RERE: variants seen among roughly 807,000 people sequenced by gnomAD.
RERE encodes arginine-glutamic acid dipeptide repeats.
A neutral mutation model predicts 146.1 loss-of-function variants in RERE; 40 were observed. The ratio of observed to expected loss-of-function variants is 0.27; its 90% CI spans 0.21 to 0.36. RERE has a LOEUF of 0.36. Ranked by LOEUF, RERE falls within the 10% of genes least tolerant of loss-of-function variation. RERE has a pLI of 1.00. For synonymous variants in RERE, 1,003 were observed against 866.0 expected (o/e 1.16, Z -2.78); for missense variants, 1,933 against 2,138.7 (o/e 0.90, Z 1.90).
chr1:8,420,558 A>G (rs1009690098), intron 12 of RERE, among the ~76,000 whole-genome samples: 7 of 152,202 alleles, frequency 4.6e-5, no homozygotes, highest in African/African-American at 1.4e-4. Context: ...CCAGCTCATT[A>G]TAATACTTAC....
rs567556868 is a variant in RERE, at chr1:8,564,832, ATGTG to A, written c.523-7313_523-7310del. On this transcript the variant is annotated intron_variant, in intron 4 of 22. Transcript: ENST00000400908. ...TGTATGTATGTGTGTGTATATGTGT[ATGTG>A]TGTGTGTGTGTGTGTGTGTGTGTGT... 2.9e-3 allele frequency among the ~76,000 whole-genome samples: 398 copies of A among 139,076 alleles called. 4 individuals are homozygous for A. Among genetic ancestry groups the A allele is most frequent in the Middle Eastern group, 0.022 (6 of 276 alleles). The allele number at this position is 139,076 out of a possible 152,430, so 91.2% of individuals were successfully genotyped here.
At chr1:8,524,952 C>T (rs1490139400) in intron 7 of RERE, among the ~76,000 whole-genome samples, 2 of 152,218 alleles carry the variant, frequency 1.3e-5, no homozygotes, top group African/African-American at 2.4e-5. Context: ...CACATGACAA[C>T]ATACACATAT....
intron 12 of RERE, among the ~76,000 whole-genome samples, chr1:8,379,282 A>G (rs929210167): frequency 6.6e-6 from 1 of 151,986 alleles, no homozygotes; most frequent in Non-Finnish European, 1.5e-5. Context: ...GCCCAGCTCC[A>G]TGGGGCTGGG....
chr1:8,419,151 G>A (rs1643855270), intron 12 of RERE, among the ~76,000 whole-genome samples: 1 of 152,156 alleles, frequency 6.6e-6, no homozygotes, highest in Non-Finnish European at 1.5e-5. Flanking sequence ...ATGGGAAAAA[G>A]TATAATAAAC....
intron 1 of RERE, among the ~76,000 whole-genome samples, chr1:8,694,985 G>GGGT (rs1557486422): frequency 2.5e-5 from 2 of 79,414 alleles, no homozygotes; most frequent in Non-Finnish European, 5.0e-5. Context: ...GGGGGGGGGG[G>GGGT]AATGCTGGCA....
intron 7 of RERE, among the ~76,000 whole-genome samples, chr1:8,528,932 G>A (rs1032645531): frequency 6.6e-6 from 1 of 152,214 alleles, no homozygotes; most frequent in African/African-American, 2.4e-5. Flanking sequence ...ATTGTGATCT[G>A]TCACAGGAGG....
Position 8,383,680 on chromosome 1 carries a change from G to A in RERE, c.1285-17706C>T, listed in dbSNP as rs150662491. Among the ~76,000 whole-genome samples, 671 of 152,132 alleles carry A rather than the reference G, an allele frequency of 4.4e-3. 4 individuals are homozygous for A. The highest frequency in any genetic ancestry group is 0.015 in the African/African-American group (639 of 41,498). On this transcript the variant is annotated intron_variant, in intron 12 of 22. Coordinates refer to ENST00000400908, the MANE Select transcript of RERE (RefSeq NM_001042681.2). The stretch of plus-strand genomic sequence containing the variant: ...TTGAGACCAGCCTGACCAACACGGT[G>A]AAACTTTATCTCTACTAAAAATACA...
intron 12 of RERE, among the ~76,000 whole-genome samples, chr1:8,389,394 T>C (rs1448152035): frequency 1.3e-5 from 2 of 152,224 alleles, no homozygotes; most frequent in Non-Finnish European, 2.9e-5. Context: ...CGCCTTGTTC[T>C]TTATTCACGG....
chr1:8,754,764 AAACT>A (rs1046594296), intron 1 of RERE, among the ~76,000 whole-genome samples: 7 of 152,350 alleles, frequency 4.6e-5, no homozygotes, highest in East Asian at 1.9e-4. Flanking sequence ...ATTATAAATA[AAACT>A]AACTGCTGAG....
chr1:8,600,713 A>C (rs1646611048), intron 4 of RERE, among the ~76,000 whole-genome samples: 1 of 152,036 alleles, frequency 6.6e-6, no homozygotes, highest in South Asian at 2.1e-4. Flanking sequence ...AAAAGTACTC[A>C]AAACACAGAA....
chr1:8,591,429 A>C (rs1316646793), intron 4 of RERE, among the ~76,000 whole-genome samples: 2 of 86,380 alleles, frequency 2.3e-5, no homozygotes, highest in Non-Finnish European at 5.6e-5. Context: ...TTTTTGCTTT[A>C]AAAAAAAAAA....
At chr1:8,558,799 C>CTTT in intron 4 of RERE, among the ~76,000 whole-genome samples, 1 of 137,796 alleles carries the variant, frequency 7.3e-6, no homozygotes, top group Admixed American at 7.2e-5. Flanking sequence ...TTTTCCTTTT[C>CTTT]TTTTTTTTTT....
At chr1:8,805,575 G>A (rs1179956529) in intron 1 of RERE, among the ~76,000 whole-genome samples, 6 of 151,726 alleles carry the variant, frequency 4.0e-5, no homozygotes, top group East Asian at 3.9e-4. Flanking sequence ...CTTGAATCCC[G>A]GAGGCGGAGG....
At chr1:8,637,620 C>T (rs190984415) in intron 2 of RERE, among the ~76,000 whole-genome samples, 166 of 152,302 alleles carry the variant, frequency 1.1e-3, no homozygotes, top group African/African-American at 3.9e-3. Flanking sequence ...TTTCCACACC[C>T]TTAACCCGGG....
At chr1:8,435,751 C>T (rs1374548579) in intron 11 of RERE, among the ~76,000 whole-genome samples, 1 of 152,232 alleles carries the variant, frequency 6.6e-6, no homozygotes, top group Non-Finnish European at 1.5e-5. Context: ...ACAGCAACTG[C>T]ACCCACTAGC....
chr1:8,731,490 A>G (rs1210375498), intron 1 of RERE, among the ~76,000 whole-genome samples: 1 of 152,184 alleles, frequency 6.6e-6, no homozygotes, highest in Admixed American at 6.5e-5. Flanking sequence ...GGAAGATCAC[A>G]GCCTAAAGAC....
At position 8,797,289 on chromosome 1, in the gene RERE, A is replaced by G. The variant is rs905967188; in HGVS notation, c.-145+19871T>C. 1.1e-4 allele frequency among the ~76,000 whole-genome samples: 17 copies of G among 152,224 alleles called. No individual in the cohort carries two copies. In the East Asian group the frequency reaches 3.3e-3, roughly 29 times the overall value. ...TTTAAAAATAACTGTGTGACAGAAG[A>G]ATTACTTGAACCCAGGAGGCGGAGG... On this transcript the variant is annotated intron_variant, in intron 1 of 22. Coordinates refer to ENST00000400908, the MANE Select transcript of RERE (RefSeq NM_001042681.2).
rs2124194266 is a variant in RERE, at chr1:8,485,142, A to G, written c.1104+9921T>C. Among the ~76,000 whole-genome samples, 3 of 152,284 alleles carry G rather than the reference A, an allele frequency of 2.0e-5. No individual in the cohort carries two copies. The Middle Eastern group carries it at 0.01, about 518-fold the overall frequency. ...TTTGGGAAGCCAAGGTGGGCAGATC[A>G]CCTGATGTAGGGAGTTCAAGACCAG... On this transcript the variant is annotated intron_variant, in intron 10 of 22. Coordinates refer to ENST00000400908, the MANE Select transcript of RERE (RefSeq NM_001042681.2).
chr1:8,760,695 C>T (rs370942015), intron 1 of RERE, among the ~76,000 whole-genome samples: 1 of 152,132 alleles, frequency 6.6e-6, no homozygotes, highest in Non-Finnish European at 1.5e-5. Context: ...TAATTATTCC[C>T]TTGGAATACT....
Sources: allele counts gnomAD v4.1 joint callset (sites outside exome capture counted in the v4.1 genomes callset), GRCh38; gene constraint gnomAD v4.1.1; transcripts MANE v1.5; gene names NCBI Gene and HGNC (gene_info 2026-07-23, HGNC 2026-07-21).